Variants in PPRC1 observed in about 807,000 individuals in gnomAD.
PPRC1 encodes the protein PPARG related coactivator 1.
In PPRC1, 23 loss-of-function variants were observed where a neutral mutation model predicts 132.5. That is an observed-to-expected ratio of 0.17 (90% confidence interval 0.12 to 0.25). The LOEUF is 0.25. Among genes scored for constraint, PPRC1 ranks in the 10% least tolerant of loss-of-function variants. The probability of loss-of-function intolerance (pLI) is 1.00; values close to 1 mark genes in which losing one functional copy is unlikely to be tolerated. For synonymous variants in PPRC1, 872 were observed against 833.5 expected (o/e 1.05, Z -0.80); for missense variants, 2,006 against 2,089.1 (o/e 0.96, Z 0.78).
intron 1 of PPRC1, among the ~76,000 whole-genome samples, chr10:102,134,587 C>G (rs1357736928): frequency 3.3e-5 from 5 of 152,142 alleles, no homozygotes; most frequent in African/African-American, 9.7e-5. Flanking sequence ...TCAGGTCCGG[C>G]AGACCAATCC....
chr10:102,136,258 C>G (rs1040820960), intron 1 of PPRC1, among the ~76,000 whole-genome samples: 5 of 151,720 alleles, frequency 3.3e-5, no homozygotes, highest in Non-Finnish European at 7.4e-5. Flanking sequence ...CTTAACCAGC[C>G]TTTCCTTTTC....
intron 5 of PPRC1, 92 bp from the exon 6 acceptor site, chr10:102,142,953 A>T: frequency 8.8e-7 from 1 of 1,133,596 alleles, no homozygotes; most frequent in South Asian, 1.4e-5. Context: ...GGGAGTGGAA[A>T]GGGAGAAGTG....
At position 102,141,564 on chromosome 10, in the gene PPRC1, G is replaced by A. The variant is rs2068981328; in HGVS notation, c.3056G>A (p.Arg1019Lys). ...GTTCCCCAACCTAAAATGGAGTCTAGGGGCACTCCAGCTGGCCCTCCTGAA... is the reference window on the plus strand; with the variant it reads ...GTTCCCCAACCTAAAATGGAGTCTAAGGGCACTCCAGCTGGCCCTCCTGAA... ...RAVPQPKMES[R>K]GTPAGPPENV... Residue 1019 changes from arginine (R) to lysine (K), a missense_variant, in exon 5 of 14, where the codon AGG becomes AAG. Transcript: ENST00000278070. 6.2e-7 allele frequency: 1 copy of A among 1,613,918 alleles called. No individual in the cohort carries two copies. The highest frequency in any genetic ancestry group is 1.3e-5 in the African/African-American group (1 of 74,900).
chr10:102,132,302 A>G (rs527968116), upstream of PPRC1, among the ~76,000 whole-genome samples: 3 of 152,356 alleles, frequency 2.0e-5, no homozygotes, highest in African/African-American at 7.2e-5. Context: ...TGGCAAATGA[A>G]TGAAGAGTAG....
chr10:102,142,932 C>G (rs564923537), intron 5 of PPRC1, 113 bp from the exon 6 acceptor site: 1 of 899,734 alleles, frequency 1.1e-6, no homozygotes, highest in South Asian at 1.6e-5. Flanking sequence ...TCACTTAGTA[C>G]AGAGGGCAGG....
At chr10:102,123,379 G>T in the PPRC1 span, among the ~76,000 whole-genome samples, 4 of 151,896 alleles carry the variant, frequency 2.6e-5, no homozygotes, top group African/African-American at 9.7e-5. Flanking sequence ...TGGTAGGAAG[G>T]GGGTGGAGTC....
chr10:102,120,698 C>T, the PPRC1 span, among the ~76,000 whole-genome samples: 1 of 152,130 alleles, frequency 6.6e-6, no homozygotes. Flanking sequence ...GCAGAGACCC[C>T]AGAGAGGGAG....
intron 1 of PPRC1, 139 bp downstream of exon 1, chr10:102,133,360 G>A: frequency 1.4e-6 from 1 of 693,166 alleles, no homozygotes; most frequent in Non-Finnish European, 2.0e-6. Flanking sequence ...GAGCAAGTGG[G>A]CCCTAGGCCG....
chr10:102,131,795 C>T (rs1007085803), upstream of PPRC1, among the ~76,000 whole-genome samples: 1 of 152,134 alleles, frequency 6.6e-6, no homozygotes, highest in Non-Finnish European at 1.5e-5. Flanking sequence ...GTAGCTGGGA[C>T]CACAGATGTG....
intron 2 of PPRC1, 75 bp downstream of exon 2, chr10:102,138,113 G>C: frequency 6.8e-7 from 1 of 1,459,864 alleles, no homozygotes; most frequent in East Asian, 2.4e-5. Context: ...TTCTTGGCAT[G>C]GCTCTGCTCT....
Position 102,133,118 on chromosome 10 carries a change from G to C in PPRC1, c.50G>C (p.Gly17Ala). The C allele has an allele frequency of 8.0e-7, 1 of 1,246,902 alleles. No homozygotes were observed. 77.2% of individuals were successfully genotyped at this position (1,246,902 alleles called of 1,614,324 possible). ...GACGGAGTCGCGCCGCCCCCGAGTGGGGGCCCCGGTCCGGACCCTGGCGGG... is the reference window on the plus strand; with the variant it reads ...GACGGAGTCGCGCCGCCCCCGAGTGCGGGCCCCGGTCCGGACCCTGGCGGG... ...RRDGVAPPPSGGPGPDPGGGA... is the reference protein window; with the variant it reads ...RRDGVAPPPSAGPGPDPGGGA... The change falls in exon 1 of 14, where the codon GGG (glycine) becomes GCG (alanine). Residue 17 changes from glycine to alanine, a missense_variant. Transcript: ENST00000278070.
rs952166859 is a variant in PPRC1 at position 102,147,086 on chromosome 10, C to G, written c.4094C>G (p.Pro1365Arg). The change falls in exon 9 of 14, where the codon CCC becomes CGC. Residue 1365 changes from proline (P) to arginine (R), a missense_variant. Physicochemically the swap from Pro to Arg is moderately radical, Grantham distance 103 (BLOSUM62 -2). This residue lies in a region of PPRC1 where 1,914 missense variants were observed against 1,917.2 expected (regional missense o/e 1.00). Coordinates refer to ENST00000278070, the MANE Select transcript of PPRC1 (RefSeq NM_015062.5). ...DHRTSSEQAD[P>R]SAPCLAPSSL... ...AGGACTAGCAGTGAGCAGGCAGATC[C>G]CTCAGCACCCTGCCTTGCCCCATCC... 1 of 1,614,066 alleles carries G rather than the reference C, an allele frequency of 6.2e-7. No individual in the cohort carries two copies. Among genetic ancestry groups the G allele is most frequent in the African/African-American group, 1.3e-5 (1 of 74,914 alleles).
intron 13 of PPRC1, 81 bp downstream of exon 13, chr10:102,149,410 A>G (rs1222574978): frequency 4.2e-6 from 6 of 1,421,614 alleles, no homozygotes; most frequent in Non-Finnish European, 5.6e-6. Context: ...GAGTGGGGCT[A>G]GGCAGACTTA....
intron 3 of PPRC1, 25 bp from the exon 4 acceptor site, chr10:102,138,854 T>A (rs753903842): frequency 1.2e-6 from 2 of 1,612,222 alleles, no homozygotes; most frequent in Non-Finnish European, 1.7e-6. Context: ...CATAGACTGA[T>A]CTCAGGTCTT....
chr10:102,120,005 A>C, the PPRC1 span: 1 of 1,149,968 alleles, frequency 8.7e-7, no homozygotes. Context: ...CCCCCCACAC[A>C]AGTTCTCGCC....
upstream of PPRC1, among the ~76,000 whole-genome samples, chr10:102,128,572 G>C (rs1246282766): frequency 6.6e-6 from 1 of 151,614 alleles, no homozygotes; most frequent in African/African-American, 2.4e-5. Context: ...GACAGAGAGA[G>C]ACAGAAAATA....
At chr10:102,138,274 C>A (rs548278829) in intron 2 of PPRC1, among the ~76,000 whole-genome samples, 1 of 152,206 alleles carries the variant, frequency 6.6e-6, no homozygotes, top group Non-Finnish European at 1.5e-5. Context: ...GCCTTTCCCA[C>A]TGTCTGGGCC....
intron 1 of PPRC1, among the ~76,000 whole-genome samples, chr10:102,133,813 C>T (rs533294295): frequency 6.6e-6 from 1 of 151,618 alleles, no homozygotes; most frequent in African/African-American, 2.4e-5. Flanking sequence ...CATCTCCTGC[C>T]GGGGCTGGAG....
chr10:102,128,223 T>A (rs1305949511), upstream of PPRC1, among the ~76,000 whole-genome samples: 1 of 151,636 alleles, frequency 6.6e-6, no homozygotes, highest in Non-Finnish European at 1.5e-5. Context: ...CACTGCAACC[T>A]CCGACTCCCT....
Sources: gnomAD v4.1 joint callset for allele counts (sites outside exome capture counted in the v4.1 genomes callset) on GRCh38, gnomAD v4.1.1 for gene constraint, gnomAD v4.1.1 regional missense constraint, MANE v1.5 for transcripts, NCBI Gene and HGNC (gene_info 2026-07-23, HGNC 2026-07-21) for gene names.